TMEM41B: variants seen among roughly 807,000 people sequenced by gnomAD.
TMEM41B encodes the protein transmembrane protein 41B.
Under a neutral mutation model 31.9 loss-of-function variants are expected in TMEM41B, and 18 were observed. The ratio of observed to expected loss-of-function variants is 0.56; its 90% confidence interval spans 0.39 to 0.84. The LOEUF is 0.84. Ranked by LOEUF, TMEM41B falls within the 40% of genes least tolerant of loss-of-function variation. The pLI is 0.00. For synonymous variants in TMEM41B, 144 were observed against 124.3 expected, an observed-to-expected ratio of 1.16 and a Z score of -1.05; for missense variants, 322 against 348.0, an observed-to-expected ratio of 0.93 and a Z score of 0.59.
At position 9,299,538 on chromosome 11, in the gene TMEM41B, C is replaced by G. The variant is rs201981937; in HGVS notation, c.239+46G>C. ...GCACTTGGCCTTAATCCACTTTCAT[C>G]TTATAAATATCTATACATTTTCAGT... On this transcript the variant is annotated intron_variant, in intron 2 of 6. Transcript: ENST00000528080. 2.4e-4 allele frequency: 319 copies of G among 1,328,874 alleles called. 1 individual carries two copies. Among genetic ancestry groups the G allele is most frequent in the Non-Finnish European group, 3.1e-4 (289 of 939,146 alleles). The allele number at this position is 1,328,874 out of a possible 1,614,324, so 82.3% of individuals were successfully genotyped here.
chr11:9,303,302 C>G (rs1416116444), intron 1 of TMEM41B, among the ~76,000 whole-genome samples: 4 of 152,042 alleles, frequency 2.6e-5, no homozygotes, highest in Non-Finnish European at 2.9e-5. Context: ...CCACACCCAG[C>G]TAATTTTTAT....
At position 9,295,533 on chromosome 11, in the gene TMEM41B, T is replaced by C. The variant is rs1465047876; in HGVS notation, c.240-146A>G. ...AGCAATGTTTAAGTTTAAAAGTTTA[T>C]AATTTTTCTTTTGTTTTGAGACATA... On this transcript the variant is annotated intron_variant, in intron 2 of 6. Transcript: ENST00000528080. The C allele has an allele frequency of 5.1e-6, 3 of 586,010 alleles. No individual in the cohort carries two copies. The East Asian group carries it at 9.2e-5, about 18-fold the overall frequency. 36.3% of individuals were successfully genotyped at this position (586,010 alleles called of 1,614,324 possible). A position where few individuals can be genotyped will look rare whatever the true frequency, so the allele number is the denominator to read the frequency against.
At chr11:9,290,363 C>T (rs960359767) in intron 3 of TMEM41B, among the ~76,000 whole-genome samples, 1 of 152,024 alleles carries the variant, frequency 6.6e-6, no homozygotes, top group African/African-American at 2.4e-5. Context: ...GGCAACAGAG[C>T]AAGACTCCAT....
At chr11:9,307,737 C>A (rs1853435059) in intron 1 of TMEM41B, among the ~76,000 whole-genome samples, 1 of 151,982 alleles carries the variant, frequency 6.6e-6, no homozygotes, top group Admixed American at 6.6e-5. Flanking sequence ...CCACTGTGCC[C>A]AGCCAATAAA....
At chr11:9,311,660 C>T (rs1853565725) in intron 1 of TMEM41B, 3 of 844,722 alleles carry the variant, frequency 3.6e-6, no homozygotes, top group Admixed American at 1.9e-5. Context: ...ATGGATTTGG[C>T]CCTGGCTGCC....
intron 1 of TMEM41B, among the ~76,000 whole-genome samples, chr11:9,304,083 G>C (rs1339118144): frequency 6.6e-6 from 1 of 152,190 alleles, no homozygotes; most frequent in African/African-American, 2.4e-5. Flanking sequence ...TAATAATATA[G>C]TACAAAGGTA....
At chr11:9,284,271 G>A (rs1394149299) in intron 6 of TMEM41B, among the ~76,000 whole-genome samples, 3 of 151,662 alleles carry the variant, frequency 2.0e-5, no homozygotes, top group Non-Finnish European at 4.4e-5. Context: ...TCAGCTTTCT[G>A]AGCAGCTGGG....
chr11:9,295,611 G>C (rs1853066908), intron 2 of TMEM41B, among the ~76,000 whole-genome samples: 1 of 150,424 alleles, frequency 6.6e-6, no homozygotes, highest in Admixed American at 6.6e-5. Context: ...CTCAGCTCAC[G>C]GCAATCTCTG....
At chr11:9,297,570 C>T (rs188047163) in intron 2 of TMEM41B, among the ~76,000 whole-genome samples, 43 of 152,184 alleles carry the variant, frequency 2.8e-4, no homozygotes, top group African/African-American at 9.9e-4. Flanking sequence ...CATACATCTA[C>T]AGTCCCAACT....
chr11:9,310,579 A>G (rs541356115), intron 1 of TMEM41B, among the ~76,000 whole-genome samples: 2 of 152,052 alleles, frequency 1.3e-5, no homozygotes, highest in African/African-American at 4.8e-5. Context: ...TAGTAAATAC[A>G]TAGGTCGGGG....
intron 6 of TMEM41B, among the ~76,000 whole-genome samples, chr11:9,284,747 A>G (rs1852797484): frequency 7.0e-6 from 1 of 143,492 alleles, no homozygotes; most frequent in East Asian, 2.1e-4. Context: ...TGGGCGACAG[A>G]GAGAGAATCT....
At position 9,287,735 on chromosome 11, in the gene TMEM41B, G is replaced by A. The variant is rs769730740; in HGVS notation, c.534C>T (p.Tyr178=). 1.9e-6 allele frequency: 3 copies of A among 1,612,950 alleles called. No individual in the cohort carries two copies. The highest frequency in any genetic ancestry group is 1.3e-5 in the African/African-American group (1 of 74,844). Residue 178 remains tyrosine (Y), a synonymous_variant, in exon 5 of 7, where the codon TAC becomes TAT. Coordinates refer to ENST00000528080, the MANE Select transcript of TMEM41B (RefSeq NM_015012.4). ...ACCATTTTACTGCTTTCTCTGTTAG[G>A]TATTTGTATACAACTGGTCTCCCAA... The part of the protein sequence containing the change: ...YLVGRPVVYK[Y]LTEKAVKWSQ...
At chr11:9,310,587 G>C (rs1167730796) in intron 1 of TMEM41B, among the ~76,000 whole-genome samples, 6 of 151,446 alleles carry the variant, frequency 4.0e-5, no homozygotes, top group Non-Finnish European at 5.9e-5. Flanking sequence ...ACATAGGTCG[G>C]GGCAAACACC....
At chr11:9,285,847 TG>T (rs1479760515) in intron 6 of TMEM41B, among the ~76,000 whole-genome samples, 1 of 148,472 alleles carries the variant, frequency 6.7e-6, no homozygotes, top group Non-Finnish European at 1.5e-5. Context: ...CTGGGTGCGG[TG>T]GCTCACGCCT....
chr11:9,300,137 A>G (rs1022221311), intron 1 of TMEM41B, among the ~76,000 whole-genome samples: 1 of 152,060 alleles, frequency 6.6e-6, no homozygotes, highest in African/African-American at 2.4e-5. Context: ...AAAAACAATA[A>G]TTAATTATAT....
rs1222375863 is a variant in TMEM41B at position 9,283,379 on chromosome 11, C to T, written c.*45G>A. 5.4e-6 allele frequency: 8 copies of T among 1,482,104 alleles called. No homozygotes were observed. The highest frequency in any genetic ancestry group is 7.4e-6 in the Non-Finnish European group (8 of 1,083,706). 91.8% of individuals were successfully genotyped at this position (1,482,104 alleles called of 1,614,324 possible). On this transcript the variant is annotated 3_prime_UTR_variant, in exon 7 of 7. Transcript: ENST00000528080. ...AACATAAATGGATGCACCTGTTAAT[C>T]CTGAGATGGTGATGACAGCAAAACT...
At position 9,283,589 on chromosome 11, in the gene TMEM41B, G is replaced by C. The variant is rs77349011; in HGVS notation, c.711C>G (p.Val237=). 6 of 1,597,962 alleles carry C rather than the reference G, an allele frequency of 3.8e-6. No homozygotes were observed. The highest frequency in any genetic ancestry group is 4.3e-6 in the Non-Finnish European group (5 of 1,175,910). ...KVFFIGTFLG[V]APPSFVAIKA... is the part of the protein sequence containing the mutation. The stretch of plus-strand genomic sequence containing the variant: ...TAATGGCTACAAAAGAAGGAGGTGC[G>C]ACACCTGAAATAAAATATAAAAAGA... Residue 237 remains valine, a synonymous_variant, in exon 7 of 7, where the codon GTC becomes GTG. Transcript: ENST00000528080.
chr11:9,297,669 C>T (rs1026805264), intron 2 of TMEM41B, among the ~76,000 whole-genome samples: 73 of 151,750 alleles, frequency 4.8e-4, no homozygotes, highest in African/African-American at 1.6e-3. Context: ...CCAGCCTGGG[C>T]GACAGAGTGA....
In TMEM41B at chr11:9,307,715, T is replaced by C. The variant is rs1378184423; in HGVS notation, c.121+6606A>G. ...CCTCAGCCTCCCAAAGTGCTAGGAT[T>C]ACAGGCATGAGCCACTGTGCCCAGC... On this transcript the variant is annotated intron_variant, in intron 1 of 6. Coordinates refer to ENST00000528080, the MANE Select transcript of TMEM41B (RefSeq NM_015012.4). Among the ~76,000 whole-genome samples the C allele has an allele frequency of 4.5e-4, 68 of 152,140 alleles. 1 individual carries two copies. The highest frequency in any genetic ancestry group is 1.5e-5 in the Non-Finnish European group (1 of 68,034).
Sources: allele counts gnomAD v4.1 joint callset (sites outside exome capture counted in the v4.1 genomes callset), GRCh38; gene constraint gnomAD v4.1.1; transcripts MANE v1.5; gene names NCBI Gene and HGNC (gene_info 2026-07-23, HGNC 2026-07-21).